The following HSD17B12 variants were observed in gnomAD, a reference collection of about 807,000 sequenced individuals.
The protein encoded by HSD17B12 is very-long-chain 3-oxoacyl-CoA reductase.
A neutral mutation model predicts 39.3 loss-of-function variants in HSD17B12; 32 were observed. The observed-to-expected ratio is 0.81, with a 90% CI of 0.61 to 1.09. The LOEUF is 1.09. Ranked by LOEUF, HSD17B12 falls within the 50% of genes least tolerant of loss-of-function variation. HSD17B12 has a pLI of 0.00. For synonymous variants in HSD17B12, 150 were observed against 146.7 expected (o/e 1.02, Z -0.16); for missense variants, 342 against 382.9 (o/e 0.89, Z 0.89).
chr11:43,740,150 C>T (rs1325420087), intron 1 of HSD17B12, among the ~76,000 whole-genome samples: 1 of 152,048 alleles, frequency 6.6e-6, no homozygotes, highest in Non-Finnish European at 1.5e-5. Flanking sequence ...GGAAATGTAA[C>T]TTCTTGGCAG....
intron 3 of HSD17B12, among the ~76,000 whole-genome samples, chr11:43,792,890 T>C (rs745803021): frequency 2.0e-5 from 3 of 152,092 alleles, no homozygotes; most frequent in Non-Finnish European, 4.4e-5. Flanking sequence ...ATGTAAGAAA[T>C]GTAATTTCTA....
At chr11:43,669,124 A>G in the HSD17B12 span, among the ~76,000 whole-genome samples, 2 of 144,842 alleles carry the variant, frequency 1.4e-5, no homozygotes, top group Non-Finnish European at 3.1e-5. Context: ...AAAAAAAAAA[A>G]GCAAATTCCA....
chr11:43,654,700 G>A, the HSD17B12 span, among the ~76,000 whole-genome samples: 3 of 152,122 alleles, frequency 2.0e-5, no homozygotes, highest in African/African-American at 4.8e-5. Context: ...AAGATCAGAT[G>A]GTTGTAGATG....
chr11:43,849,268 G>A (rs1951508655), intron 9 of HSD17B12, among the ~76,000 whole-genome samples: 1 of 152,158 alleles, frequency 6.6e-6, no homozygotes, highest in African/African-American at 2.4e-5. Flanking sequence ...TCGCACCACT[G>A]CACTCCAGCC....
At chr11:43,807,385 T>C (rs1951029676) in intron 4 of HSD17B12, among the ~76,000 whole-genome samples, 1 of 152,096 alleles carries the variant, frequency 6.6e-6, no homozygotes, top group Non-Finnish European at 1.5e-5. Flanking sequence ...GGAAACGGCA[T>C]GTACAAAAGG....
At chr11:43,771,302 G>T (rs972293209) in intron 3 of HSD17B12, among the ~76,000 whole-genome samples, 4 of 151,984 alleles carry the variant, frequency 2.6e-5, no homozygotes, top group Middle Eastern at 3.2e-3. Context: ...TTACAATTTA[G>T]TTGTATATCC....
At chr11:43,799,454 G>T (rs4755745) in intron 4 of HSD17B12, among the ~76,000 whole-genome samples, 99,632 of 151,762 alleles carry the variant, frequency 0.66, 32,998 homozygotes, top group East Asian at 0.75. Context: ...TACTTTTATT[G>T]GGATAATCAG....
At chr11:43,584,033 TG>T in the HSD17B12 span, among the ~76,000 whole-genome samples, 1 of 152,148 alleles carries the variant, frequency 6.6e-6, no homozygotes, top group African/African-American at 2.4e-5. Context: ...CTGCCCCCAG[TG>T]GGGAGAGGCA....
At chr11:43,638,297 G>T in the HSD17B12 span, among the ~76,000 whole-genome samples, 1 of 152,164 alleles carries the variant, frequency 6.6e-6, no homozygotes, top group Non-Finnish European at 1.5e-5. Flanking sequence ...TGAAATCAGG[G>T]AAGTTTGTGG....
chr11:43,676,918 A>G (rs956456466), upstream of HSD17B12, among the ~76,000 whole-genome samples: 21 of 152,188 alleles, frequency 1.4e-4, no homozygotes, highest in African/African-American at 5.1e-4. Context: ...TTGGTGAGCA[A>G]TGATGAGCTG....
intron 1 of HSD17B12, among the ~76,000 whole-genome samples, chr11:43,709,485 A>G (rs751017153): frequency 1.3e-5 from 2 of 152,254 alleles, no homozygotes; most frequent in African/African-American, 2.4e-5. Context: ...TGAATCAAAG[A>G]AGGATATATT....
chr11:43,589,163 G>A, the HSD17B12 span, among the ~76,000 whole-genome samples: 2 of 152,094 alleles, frequency 1.3e-5, no homozygotes, highest in African/African-American at 4.8e-5. Context: ...CGTAAATAAT[G>A]TTTTCTTTTT....
rs576056784 is a variant in HSD17B12 at position 43,779,159 on chromosome 11, T to G, written c.284-19161T>G. The stretch of plus-strand genomic sequence containing the variant: ...AGATAGAATTTATCTTTTATCACTT[T>G]GTCTTCATCTAGTTTCAAATATGTG... On this transcript the variant is annotated intron_variant, in intron 3 of 10. Coordinates refer to ENST00000278353, the MANE Select transcript of HSD17B12 (RefSeq NM_016142.3). Among the ~76,000 whole-genome samples, 71 of 152,362 alleles carry G rather than the reference T, an allele frequency of 4.7e-4. 1 individual carries two copies. Among genetic ancestry groups the G allele is most frequent in the Middle Eastern group, 6.8e-3 (2 of 294 alleles).
At chr11:43,681,049 G>A in intron 1 of HSD17B12, 62 bp downstream of exon 1, 2 of 1,490,112 alleles carry the variant, frequency 1.3e-6, no homozygotes, top group Non-Finnish European at 1.8e-6. Context: ...CCTGGGCCGT[G>A]ATGACTAGTT....
chr11:43,699,888 A>G (rs1178992947), intron 1 of HSD17B12, among the ~76,000 whole-genome samples: 1 of 152,254 alleles, frequency 6.6e-6, no homozygotes, highest in Non-Finnish European at 1.5e-5. Flanking sequence ...ATCACTGATC[A>G]TCAGAGAAAT....
the HSD17B12 span, among the ~76,000 whole-genome samples, chr11:43,656,256 T>C: frequency 6.6e-6 from 1 of 152,188 alleles, no homozygotes; most frequent in African/African-American, 2.4e-5. Flanking sequence ...CCCCCCTTTG[T>C]AATTTTTTAT....
At position 43,682,561 on chromosome 11, in the gene HSD17B12, A is replaced by ACC. The variant is rs1468739027; in HGVS notation, c.160+1574_160+1575insCC. Among the ~76,000 whole-genome samples the ACC allele has an allele frequency of 3.0e-4, 45 of 151,804 alleles. 2 individuals are homozygous for ACC. In the East Asian group the frequency reaches 4.6e-3, roughly 16 times the overall value. ...ACTCATCTCAAAAAAAAAAAAAAAA[A>ACC]AAAAACAGAAAGTGAAGTATTCAAC... On this transcript the variant is annotated intron_variant, in intron 1 of 10. Transcript: ENST00000278353.
chr11:43,721,776 T>C (rs560216534), intron 1 of HSD17B12, among the ~76,000 whole-genome samples: 62 of 152,254 alleles, frequency 4.1e-4, no homozygotes, highest in Non-Finnish European at 7.8e-4. Flanking sequence ...AAATATCCTG[T>C]AGGACATAAA....
intron 1 of HSD17B12, among the ~76,000 whole-genome samples, chr11:43,741,900 AT>A (rs1378203818): frequency 2.7e-5 from 4 of 148,148 alleles, no homozygotes; most frequent in African/African-American, 7.4e-5. Flanking sequence ...CGCCTGGCTA[AT>A]TTTTTTGTGT....
Sources: allele counts gnomAD v4.1 joint callset (sites outside exome capture counted in the v4.1 genomes callset), GRCh38; gene constraint gnomAD v4.1.1; transcripts MANE v1.5; gene names NCBI Gene and HGNC (gene_info 2026-07-23, HGNC 2026-07-21).